FADS6: variants seen among roughly 807,000 people sequenced by gnomAD.
The protein encoded by FADS6 is fatty acid desaturase 6.
A neutral mutation model predicts 31.7 loss-of-function variants in FADS6; 28 were observed. The ratio of observed to expected loss-of-function variants is 0.88; its 90% CI spans 0.66 to 1.21. The LOEUF is 1.21. Ranked by LOEUF, FADS6 falls within the 50% of genes most tolerant of loss-of-function variation. The probability of loss-of-function intolerance (pLI) is 0.00; values close to 1 mark genes in which losing one functional copy is unlikely to be tolerated. For synonymous variants in FADS6, 191 were observed against 213.1 expected (o/e 0.90, Z 0.90); for missense variants, 494 against 504.2 (o/e 0.98, Z 0.19).
At chr17:74,884,715 T>TTTTA (rs150082187) in intron 2 of FADS6, among the ~76,000 whole-genome samples, 2 of 151,286 alleles carry the variant, frequency 1.3e-5, no homozygotes, top group African/African-American at 4.9e-5. Context: ...GACCAGATCC[T>TTTTA]TTTTCTTTTT....
At chr17:74,892,824 C>G in intron 1 of FADS6, 135 bp from the exon 2 acceptor site, 1 of 867,028 alleles carries the variant, frequency 1.2e-6, no homozygotes, top group South Asian at 1.8e-5. Flanking sequence ...CGGAGTGAGG[C>G]AGGTCCCACT....
intron 4 of FADS6, 119 bp downstream of exon 4, chr17:74,880,949 G>A (rs2038560826): frequency 9.6e-7 from 1 of 1,040,862 alleles, no homozygotes; most frequent in South Asian, 1.7e-5. Flanking sequence ...GAGCGAGAGG[G>A]AGGATGCCTC....
At chr17:74,882,735 ACTGGGGTCC>A in intron 2 of FADS6, 25 bp from the exon 3 acceptor site, 1 of 1,597,330 alleles carries the variant, frequency 6.3e-7, no homozygotes, top group Non-Finnish European at 8.5e-7. Context: ...CAGAAATGAC[ACTGGGGTCC>A]CTGTCAGGCA....
chr17:74,880,868 T>C (rs537762322), intron 4 of FADS6, among the ~76,000 whole-genome samples, 200 bp downstream of exon 4: 2 of 152,254 alleles, frequency 1.3e-5, no homozygotes, highest in East Asian at 3.9e-4. Context: ...CCATGAATGA[T>C]GAGTAGGATC....
intron 2 of FADS6, among the ~76,000 whole-genome samples, chr17:74,886,570 G>A (rs1238805705): frequency 6.6e-6 from 1 of 151,940 alleles, no homozygotes; most frequent in Non-Finnish European, 1.5e-5. Flanking sequence ...TGGGACATCT[G>A]CAGAAAGGGG....
downstream of FADS6, among the ~76,000 whole-genome samples, chr17:74,876,582 G>T (rs2038509662): frequency 6.6e-6 from 1 of 152,056 alleles, no homozygotes; most frequent in South Asian, 2.1e-4. Context: ...GGATTGCCTG[G>T]GCTCAGGAGT....
chr17:74,881,382 G>C, intron 3 of FADS6, 127 bp from the exon 4 acceptor site: 1 of 861,550 alleles, frequency 1.2e-6, no homozygotes, highest in South Asian at 1.9e-5. Context: ...GCCCTGAAAA[G>C]CAGGGCACCC....
chr17:74,888,146 A>AGTG (rs1555625263), intron 2 of FADS6, among the ~76,000 whole-genome samples: 4 of 113,596 alleles, frequency 3.5e-5, no homozygotes, highest in African/African-American at 1.6e-4. Flanking sequence ...ACACACACAC[A>AGTG]CACACACACG....
downstream of FADS6, among the ~76,000 whole-genome samples, chr17:74,876,689 C>T (rs111732179): frequency 0.097 from 14,806 of 151,958 alleles, 2,183 homozygotes; most frequent in African/African-American, 0.32. Flanking sequence ...CCCAGCTACT[C>T]GGGAGGCTGA....
chr17:74,891,453 T>A (rs1159556035), intron 2 of FADS6, among the ~76,000 whole-genome samples: 1 of 152,136 alleles, frequency 6.6e-6, no homozygotes, highest in Non-Finnish European at 1.5e-5. Flanking sequence ...CTCTGTGGAT[T>A]ACAAACTTGG....
intron 2 of FADS6, 113 bp downstream of exon 2, chr17:74,892,410 G>T: frequency 7.7e-7 from 1 of 1,295,732 alleles, no homozygotes; most frequent in Non-Finnish European, 1.0e-6. Context: ...CAGCTGCAGC[G>T]GCCTGCCCCC....
chr17:74,880,473 G>A (rs2038555906), intron 4 of FADS6, among the ~76,000 whole-genome samples: 1 of 152,008 alleles, frequency 6.6e-6, no homozygotes, highest in African/African-American at 2.4e-5. Flanking sequence ...TCCCGCTTCA[G>A]CCTCCCAGGT....
intron 5 of FADS6, chr17:74,879,044 T>TG: frequency 5.7e-6 from 1 of 174,210 alleles, no homozygotes; most frequent in Non-Finnish European, 1.2e-5. Flanking sequence ...CCACCTTTTT[T>TG]TTTTTTTTTT....
chr17:74,882,578 A>G lies in FADS6; in HGVS notation c.544T>C (p.Phe182Leu). Reference protein sequence around the residue: ...LPCLNRYVYMFLAPFLLPIAT... With the variant: ...LPCLNRYVYMLLAPFLLPIAT... ...ATGGGGAGGAGGAAAGGAGCAAGGA[A>G]CATGTAGACATAGCGGTTGAGGCAA... Residue 182 changes from phenylalanine to leucine, a missense_variant, in exon 3 of 6, where the codon TTC becomes CTC. Coordinates refer to ENST00000612771, the MANE Select transcript of FADS6 (RefSeq NM_178128.6). The G allele has an allele frequency of 2.5e-6, 4 of 1,612,320 alleles. No homozygotes were observed. Among genetic ancestry groups the G allele is most frequent in the Non-Finnish European group, 3.4e-6 (4 of 1,179,366 alleles).
chr17:74,880,195 C>G (rs2038552911), intron 4 of FADS6, among the ~76,000 whole-genome samples: 1 of 152,116 alleles, frequency 6.6e-6, no homozygotes, highest in African/African-American at 2.4e-5. Flanking sequence ...GACGCTGGAG[C>G]TGAATGCTGA....
chr17:74,883,067 T>A (rs1270176478), intron 2 of FADS6, among the ~76,000 whole-genome samples: 1 of 152,166 alleles, frequency 6.6e-6, no homozygotes, highest in African/African-American at 2.4e-5. Flanking sequence ...AATGCAATGA[T>A]TTTGTGTGTG....
chr17:74,888,140 ACACACACACACACACGCGCGCGCG>A (rs1225436826), intron 2 of FADS6, among the ~76,000 whole-genome samples: 44 of 111,318 alleles, frequency 4.0e-4, no homozygotes, highest in South Asian at 8.0e-4. Flanking sequence ...ACACACACAC[ACACACACACACACACGCGCGCGCG>A]CGCGCGCGCA....
chr17:74,882,717 G>A lies in FADS6; in HGVS notation c.412-7C>T, dbSNP rs1390651433. 6.2e-7 allele frequency: 1 copy of A among 1,605,552 alleles called. No homozygotes were observed. Among genetic ancestry groups the A allele is most frequent in the Non-Finnish European group, 8.5e-7 (1 of 1,177,142 alleles). On this transcript the variant is annotated splice_region_variant and splice_polypyrimidine_tract_variant and intron_variant, in intron 2 of 5. Transcript: ENST00000612771. Reference sequence around the variant, plus strand: ...CAGTGAAGGCTGTGCACACCTAGAGGAGGGAACCAGAAATGACACTGGGGT... The same window carrying A: ...CAGTGAAGGCTGTGCACACCTAGAGAAGGGAACCAGAAATGACACTGGGGT...
In FADS6 at chr17:74,879,526, T is replaced by A. The variant is rs185169950; in HGVS notation, c.838A>T (p.Ser280Cys). ...CGGGCCAGGTTAAGCACCCCCAGGC[T>A]CATCATGTGAATCCGACGGGGCTTG... Reference protein sequence around the residue: ...DNKPRRIHMMSLGVLNLARLP... With the variant: ...DNKPRRIHMMCLGVLNLARLP... The change falls in exon 5 of 6, where the codon AGC becomes TGC. Residue 280 changes from serine (S) to cysteine (C), a missense_variant. By Grantham distance (112) the Ser-to-Cys change is moderately radical. Transcript: ENST00000612771. 2,254 of 1,613,764 alleles carry A rather than the reference T, an allele frequency of 1.4e-3. 7 individuals carry two copies. The highest frequency in any genetic ancestry group is 1.7e-3 in the Non-Finnish European group (1,949 of 1,179,856).
Sources: gnomAD v4.1 joint callset for allele counts (sites outside exome capture counted in the v4.1 genomes callset) on GRCh38, gnomAD v4.1.1 for gene constraint, MANE v1.5 for transcripts, NCBI Gene and HGNC (gene_info 2026-07-23, HGNC 2026-07-21) for gene names.